The following PRR16 variants were observed in gnomAD, a reference collection of about 807,000 sequenced individuals.
The protein encoded by PRR16 is proline rich 16.
A neutral mutation model predicts 18.2 loss-of-function variants in PRR16; 6 were observed. That is an observed-to-expected ratio of 0.33 (90% CI 0.18 to 0.65). The LOEUF is 0.65. Among genes scored for constraint, PRR16 ranks in the 30% least tolerant of loss-of-function variants. The pLI, the probability that PRR16 is intolerant of heterozygous loss-of-function variation, is 0.74. For missense variants in PRR16, 412 were observed against 376.6 expected (o/e 1.09, Z -0.78); for synonymous variants, 151 against 147.8 (o/e 1.02, Z -0.16).
the PRR16 span, among the ~76,000 whole-genome samples, chr5:120,743,352 G>C: frequency 1.3e-5 from 2 of 151,218 alleles, no homozygotes; most frequent in African/African-American, 4.9e-5. Flanking sequence ...TTTCAAGAAA[G>C]TCTCACCACT....
chr5:120,717,777 C>G, the PRR16 span, among the ~76,000 whole-genome samples: 1 of 152,114 alleles, frequency 6.6e-6, no homozygotes, highest in East Asian at 1.9e-4. Flanking sequence ...AAATAAAACA[C>G]ACAGTCTAGA....
At chr5:120,785,572 G>GT in the PRR16 span, among the ~76,000 whole-genome samples, 84 of 119,946 alleles carry the variant, frequency 7.0e-4, 10 homozygotes, top group Non-Finnish European at 1.1e-3. Flanking sequence ...TTTTGTTGTT[G>GT]TTGTTTTTTT....
intron 1 of PRR16, among the ~76,000 whole-genome samples, chr5:120,623,396 C>G (rs529442988): frequency 5.7e-4 from 86 of 152,196 alleles, no homozygotes; most frequent in African/African-American, 1.9e-3. Flanking sequence ...GTGGGAGGTA[C>G]TTCAGTGTAA....
intron 1 of PRR16, among the ~76,000 whole-genome samples, chr5:120,483,993 T>C (rs1386749432): frequency 6.6e-6 from 1 of 151,992 alleles, no homozygotes; most frequent in African/African-American, 2.4e-5. Flanking sequence ...AGATACCAAA[T>C]TAGAAGGGGT....
At chr5:120,500,299 A>T (rs978582076) in intron 1 of PRR16, among the ~76,000 whole-genome samples, 1 of 152,178 alleles carries the variant, frequency 6.6e-6, no homozygotes, top group African/African-American at 2.4e-5. Flanking sequence ...AACCCAAGGG[A>T]ACTCACCATC....
the PRR16 span, among the ~76,000 whole-genome samples, chr5:120,725,131 C>T: frequency 1.3e-5 from 2 of 151,954 alleles, no homozygotes; most frequent in Non-Finnish European, 2.9e-5. Context: ...TATAAAGGTG[C>T]TGAAGTGAGA....
At chr5:120,691,481 G>C (rs1368934622), downstream of PRR16, among the ~76,000 whole-genome samples, 1 of 151,968 alleles carries the variant, frequency 6.6e-6, no homozygotes, top group Non-Finnish European at 1.5e-5. Flanking sequence ...TAAGTTCAAA[G>C]ACTATTATTT....
At chr5:120,495,561 G>T (rs541681864) in intron 1 of PRR16, among the ~76,000 whole-genome samples, 12 of 152,224 alleles carry the variant, frequency 7.9e-5, no homozygotes, top group African/African-American at 2.9e-4. Flanking sequence ...TTTGGACTTT[G>T]TGGAATTTCT....
At chr5:120,520,188 G>A (rs1309727419) in intron 1 of PRR16, among the ~76,000 whole-genome samples, 2 of 152,082 alleles carry the variant, frequency 1.3e-5, no homozygotes, top group Non-Finnish European at 2.9e-5. Flanking sequence ...TTGATGTCAG[G>A]CGTTCGAGAC....
At chr5:120,665,478 A>C (rs910545467) in intron 1 of PRR16, among the ~76,000 whole-genome samples, 4 of 151,986 alleles carry the variant, frequency 2.6e-5, no homozygotes, top group Non-Finnish European at 4.4e-5. Context: ...CCCATTTGTC[A>C]ATTTTGGCTT....
intron 1 of PRR16, among the ~76,000 whole-genome samples, chr5:120,477,690 G>A (rs1476537201): frequency 1.3e-5 from 2 of 152,098 alleles, no homozygotes; most frequent in African/African-American, 4.8e-5. Flanking sequence ...CAAAGTCAGA[G>A]CACTTACTGT....
chr5:120,686,506 G>C lies in PRR16; in HGVS notation c.712G>C (p.Val238Leu). 1 of 1,613,764 alleles carries C rather than the reference G, an allele frequency of 6.2e-7. No individual in the cohort carries two copies. The highest frequency in any genetic ancestry group is 8.5e-7 in the Non-Finnish European group (1 of 1,179,840). ...NREVHLHSEP[V>L]HPPGKIPHQG... ...GGAGGTCCACTTACACAGTGAACCTGTCCACCCACCGGGAAAGATTCCTCA... is the reference window on the plus strand; with the variant it reads ...GGAGGTCCACTTACACAGTGAACCTCTCCACCCACCGGGAAAGATTCCTCA... The change falls in exon 2 of 2, where the codon GTC (valine) becomes CTC (leucine). Residue 238 changes from valine (V) to leucine (L), a missense_variant. Physicochemically the swap from Val to Leu is conservative, Grantham distance 32. Coordinates refer to ENST00000407149, the MANE Select transcript of PRR16 (RefSeq NM_001300783.2).
chr5:120,785,701 T>C, the PRR16 span, among the ~76,000 whole-genome samples: 2 of 151,314 alleles, frequency 1.3e-5, no homozygotes, highest in Non-Finnish European at 2.9e-5. Flanking sequence ...GCCTTCTCAG[T>C]AGCTGGGACT....
At chr5:120,767,963 G>A in the PRR16 span, among the ~76,000 whole-genome samples, 175 of 151,798 alleles carry the variant, frequency 1.2e-3, no homozygotes, top group African/African-American at 4.1e-3. Context: ...ACTTAAAAGG[G>A]TACAGTGTTT....
At chr5:120,653,508 A>T (rs557817669) in intron 1 of PRR16, among the ~76,000 whole-genome samples, 1 of 152,140 alleles carries the variant, frequency 6.6e-6, no homozygotes, top group African/African-American at 2.4e-5. Flanking sequence ...TTTTAAAAAA[A>T]TCACAATACA....
chr5:120,591,111 C>G (rs140714318), intron 1 of PRR16, among the ~76,000 whole-genome samples: 2,492 of 151,944 alleles, frequency 0.016, 73 homozygotes, highest in African/African-American at 0.057. Context: ...AACACCGTCT[C>G]TACTAAAAAT....
At chr5:120,739,019 A>G in the PRR16 span, among the ~76,000 whole-genome samples, 3 of 152,164 alleles carry the variant, frequency 2.0e-5, no homozygotes, top group Admixed American at 6.5e-5. Context: ...AACAAAGAAT[A>G]AAAACACTAA....
Position 120,489,088 on chromosome 5 carries a change from G to T in PRR16, c.159+24443G>T, listed in dbSNP as rs562761413. Among the ~76,000 whole-genome samples the T allele has an allele frequency of 8.5e-5, 13 of 152,210 alleles. 1 individual carries two copies. In the South Asian group the frequency reaches 1.9e-3, roughly 22 times the overall value. ...TACTTCCAAGTATGTGGTCAATTTT[G>T]GAATACGTGTGGTGTGGTGCTGAAA... On this transcript the variant is annotated intron_variant, in intron 1 of 1. Coordinates refer to ENST00000407149, the MANE Select transcript of PRR16 (RefSeq NM_001300783.2).
chr5:120,584,991 A>T (rs1007432201), intron 1 of PRR16, among the ~76,000 whole-genome samples: 5 of 152,158 alleles, frequency 3.3e-5, no homozygotes, highest in African/African-American at 9.7e-5. Context: ...TTTCTGCCTC[A>T]CTAGATCATC....
Sources: allele counts gnomAD v4.1 joint callset (sites outside exome capture counted in the v4.1 genomes callset), GRCh38; gene constraint gnomAD v4.1.1; transcripts MANE v1.5; gene names NCBI Gene and HGNC (gene_info 2026-07-23, HGNC 2026-07-21).